Variants in GRID1 observed in about 807,000 individuals in gnomAD.
GRID1 encodes the protein glutamate receptor ionotropic, delta-1.
In GRID1, 28 loss-of-function variants were observed where a neutral mutation model predicts 98.0. The ratio of observed to expected loss-of-function variants is 0.29; its 90% CI spans 0.21 to 0.39. The LOEUF is 0.39. Ranked by LOEUF, GRID1 falls within the 10% of genes least tolerant of loss-of-function variation. The pLI is 1.00. For synonymous variants in GRID1, 553 were observed against 538.5 expected, an observed-to-expected ratio of 1.03 and a Z score of -0.37; for missense variants, 1,111 against 1,340.5, an observed-to-expected ratio of 0.83 and a Z score of 2.67.
chr10:86,177,923 G>A (rs1025906863), intron 3 of GRID1, among the ~76,000 whole-genome samples: 1 of 152,196 alleles, frequency 6.6e-6, no homozygotes, highest in Non-Finnish European at 1.5e-5. Flanking sequence ...GAGACGGAGA[G>A]ACAGTGAGAC....
chr10:85,771,832 G>A (rs1431884377), intron 8 of GRID1, among the ~76,000 whole-genome samples: 7 of 152,166 alleles, frequency 4.6e-5, no homozygotes, highest in Admixed American at 2.0e-4. Context: ...CAAGTCCTGA[G>A]TGACCTACAA....
intron 4 of GRID1, among the ~76,000 whole-genome samples, chr10:85,960,830 A>G (rs1306532674): frequency 6.6e-6 from 1 of 152,220 alleles, no homozygotes; most frequent in Non-Finnish European, 1.5e-5. Context: ...CATTGTGAGC[A>G]CTGACCTCAC....
intron 4 of GRID1, among the ~76,000 whole-genome samples, chr10:86,054,418 A>T (rs1221113053): frequency 6.6e-6 from 1 of 152,138 alleles, no homozygotes; most frequent in African/African-American, 2.4e-5. Flanking sequence ...TTGTTGCTGG[A>T]TTTAGGCAAC....
At chr10:85,813,823 T>C (rs1590243717) in intron 8 of GRID1, among the ~76,000 whole-genome samples, 1 of 151,820 alleles carries the variant, frequency 6.6e-6, no homozygotes, top group East Asian at 1.9e-4. Context: ...TGCAGATATA[T>C]ATGACATCTA....
At chr10:86,149,605 A>G (rs1314953241) in intron 3 of GRID1, among the ~76,000 whole-genome samples, 1 of 152,288 alleles carries the variant, frequency 6.6e-6, no homozygotes, top group African/African-American at 2.4e-5. Context: ...GATCGAGATT[A>G]AAAACAATTT....
intron 8 of GRID1, among the ~76,000 whole-genome samples, chr10:85,786,803 C>G (rs753739287): frequency 2.0e-5 from 3 of 152,250 alleles, no homozygotes; most frequent in Non-Finnish European, 4.4e-5. Flanking sequence ...GGCAATGAAC[C>G]TGCTGCGAGT....
intron 4 of GRID1, among the ~76,000 whole-genome samples, chr10:86,018,793 G>A (rs1226677770): frequency 6.6e-6 from 1 of 152,214 alleles, no homozygotes. Context: ...GTGGCAGGAG[G>A]CTGCCATGTG....
intron 12 of GRID1, among the ~76,000 whole-genome samples, chr10:85,702,967 C>G (rs1194538616): frequency 6.7e-6 from 1 of 149,672 alleles, no homozygotes; most frequent in Non-Finnish European, 1.5e-5. Context: ...ATGAACCAGA[C>G]AGAAGGAGAA....
chr10:85,844,929 T>G (rs1434672274), intron 8 of GRID1, among the ~76,000 whole-genome samples: 1 of 151,962 alleles, frequency 6.6e-6, no homozygotes, highest in East Asian at 1.9e-4. Context: ...AGACTAGGAA[T>G]TCAAGGGAAT....
At chr10:85,851,556 C>T (rs1310224360) in intron 8 of GRID1, among the ~76,000 whole-genome samples, 5 of 152,222 alleles carry the variant, frequency 3.3e-5, no homozygotes, top group Non-Finnish European at 7.3e-5. Flanking sequence ...GGTGACTCAC[C>T]ATCCCTGAGA....
At chr10:85,667,336 G>GC (rs1841032913) in intron 12 of GRID1, among the ~76,000 whole-genome samples, 2 of 152,166 alleles carry the variant, frequency 1.3e-5, no homozygotes, top group African/African-American at 4.8e-5. Flanking sequence ...GAGAGAGAGA[G>GC]AGAGAGAGAG....
intron 12 of GRID1, among the ~76,000 whole-genome samples, chr10:85,695,848 G>GCA (rs1417103251): frequency 6.6e-6 from 1 of 152,148 alleles, no homozygotes; most frequent in Non-Finnish European, 1.5e-5. Context: ...GGAATAGGGA[G>GCA]CACAAAATAC....
At chr10:85,928,609 C>T (rs1427519266) in intron 4 of GRID1, among the ~76,000 whole-genome samples, 1 of 152,226 alleles carries the variant, frequency 6.6e-6, no homozygotes, top group Non-Finnish European at 1.5e-5. Flanking sequence ...GCGGAGCCCT[C>T]ACATTCCTGG....
At chr10:86,348,609 AT>A (rs1848421403) in intron 2 of GRID1, among the ~76,000 whole-genome samples, 1 of 152,240 alleles carries the variant, frequency 6.6e-6, no homozygotes, top group African/African-American at 2.4e-5. Flanking sequence ...GTGGGGGCCC[AT>A]CTGCTATGTG....
chr10:86,297,035 C>T (rs1410648674), intron 2 of GRID1, among the ~76,000 whole-genome samples: 2 of 152,072 alleles, frequency 1.3e-5, no homozygotes, highest in Non-Finnish European at 2.9e-5. Flanking sequence ...AATAACTGTT[C>T]CCAGATGGGA....
rs749819154 is a variant in GRID1, at chr10:85,869,073, C to T, written c.888G>A (p.Arg296=). The change falls in exon 6 of 16, where the codon AGG becomes AGA. Residue 296 remains arginine, a synonymous_variant. Transcript: ENST00000327946. ...GCAGGGAGGAGATGCGGTGGTTGTT[C>T]CTCGTGCATTTCTGATTGTCCTTTG... ...PSAKDNQKCT[R]NNHRISSLLC... is the part of the protein sequence containing the mutation. The T allele has an allele frequency of 3.1e-6, 5 of 1,613,926 alleles. No individual in the cohort carries two copies. The highest frequency in any genetic ancestry group is 1.3e-5 in the African/African-American group (1 of 74,886).
At chr10:86,213,788 C>T (rs952016334) in intron 2 of GRID1, among the ~76,000 whole-genome samples, 5 of 152,004 alleles carry the variant, frequency 3.3e-5, no homozygotes, top group African/African-American at 4.8e-5. Context: ...AGTCCCTTGG[C>T]AGCTCAAACT....
chr10:86,014,220 C>T (rs939278773), intron 4 of GRID1, among the ~76,000 whole-genome samples: 4 of 152,186 alleles, frequency 2.6e-5, no homozygotes, highest in Admixed American at 2.0e-4. Context: ...ACATGCCAGA[C>T]ATTTATAGGG....
At chr10:86,123,451 C>G (rs1351556593) in intron 4 of GRID1, among the ~76,000 whole-genome samples, 1 of 152,166 alleles carries the variant, frequency 6.6e-6, no homozygotes, top group African/African-American at 2.4e-5. Flanking sequence ...AACAGGCAGA[C>G]AAAGGTGGAA....
Sources: gnomAD v4.1 joint callset for allele counts (sites outside exome capture counted in the v4.1 genomes callset) on GRCh38, gnomAD v4.1.1 for gene constraint, MANE v1.5 for transcripts, NCBI Gene and HGNC (gene_info 2026-07-23, HGNC 2026-07-21) for gene names.